The following SHQ1 variants were observed in gnomAD, a reference collection of about 807,000 sequenced individuals.
The protein encoded by SHQ1 is protein SHQ1 homolog.
In SHQ1, 49 loss-of-function variants were observed where a neutral mutation model predicts 53.8. That is an observed-to-expected ratio of 0.91 (90% confidence interval 0.72 to 1.16). The LOEUF (loss-of-function observed/expected upper bound fraction) is 1.16, where lower values mean the gene tolerates loss of function less well. SHQ1 is among the 50% of genes most tolerant of loss of function. The pLI is 0.00. For synonymous variants in SHQ1, 243 were observed against 251.0 expected (o/e 0.97, Z 0.30); for missense variants, 738 against 683.1 (o/e 1.08, Z -0.90).
At chr3:72,745,328 C>T (rs192691048), downstream of SHQ1, among the ~76,000 whole-genome samples, 3 of 152,250 alleles carry the variant, frequency 2.0e-5, no homozygotes, top group East Asian at 5.8e-4. Context: ...ACTCTTGTCT[C>T]ATTTGCAGAT....
chr3:72,784,699 A>G (rs1261121288), intron 10 of SHQ1, among the ~76,000 whole-genome samples: 1 of 152,240 alleles, frequency 6.6e-6, no homozygotes, highest in Non-Finnish European at 1.5e-5. Context: ...TTTAACACTT[A>G]GCATTTCACC....
At chr3:72,832,312 A>G (rs931176150) in intron 5 of SHQ1, 57 bp downstream of exon 5, 152 of 1,348,426 alleles carry the variant, frequency 1.1e-4, no homozygotes, top group Middle Eastern at 1.0e-3. Flanking sequence ...AGACACTCAA[A>G]AATTTTAAAA....
rs141684947 is a variant in SHQ1, at chr3:72,823,720, T to C, written c.727+704A>G. ...TAAAGCGACTGTTTAGATGTGGGAA[T>C]ATATATTTTTAAAATATCCCCAAAA... is the stretch of plus-strand genomic sequence containing the variant. On this transcript the variant is annotated intron_variant, in intron 6 of 10. Coordinates refer to ENST00000325599, the MANE Select transcript of SHQ1 (RefSeq NM_018130.3). Among the ~76,000 whole-genome samples the C allele has an allele frequency of 3.1e-3, 475 of 152,352 alleles. 5 individuals carry two copies. The highest frequency in any genetic ancestry group is 0.011 in the African/African-American group (447 of 41,568).
chr3:72,781,293 T>C (rs1053221615), intron 10 of SHQ1, among the ~76,000 whole-genome samples: 1 of 152,048 alleles, frequency 6.6e-6, no homozygotes, highest in African/African-American at 2.4e-5. Flanking sequence ...CGACCCCAGG[T>C]GATCCGCTCA....
chr3:72,727,638 C>T, the SHQ1 span, among the ~76,000 whole-genome samples: 1 of 152,048 alleles, frequency 6.6e-6, no homozygotes, highest in South Asian at 2.1e-4. Context: ...TGTTTTCAAT[C>T]GCAAGTCAGC....
the SHQ1 span, among the ~76,000 whole-genome samples, chr3:72,732,400 T>G: frequency 2.9e-5 from 4 of 138,458 alleles, no homozygotes; most frequent in African/African-American, 1.1e-4. Flanking sequence ...CTTCCTTCCT[T>G]CCTTCCTTCC....
At chr3:72,805,145 T>G (rs941114077) in intron 9 of SHQ1, among the ~76,000 whole-genome samples, 16 of 152,168 alleles carry the variant, frequency 1.1e-4, no homozygotes. Flanking sequence ...CTTCAGCTCT[T>G]TTCTGATTAA....
chr3:72,794,546 A>G (rs568270444), intron 9 of SHQ1: 2 of 152,296 alleles, frequency 1.3e-5, no homozygotes, highest in Admixed American at 1.3e-4. Flanking sequence ...TGCCCTTTCT[A>G]TGCCATTGCC....
the SHQ1 span, among the ~76,000 whole-genome samples, chr3:72,725,820 T>C: frequency 2.0e-5 from 3 of 152,194 alleles, no homozygotes; most frequent in African/African-American, 7.2e-5. Flanking sequence ...TTACTGCTCT[T>C]TGTCTGTCCT....
chr3:72,843,531 T>A (rs1389580905), intron 2 of SHQ1, among the ~76,000 whole-genome samples: 1 of 152,266 alleles, frequency 6.6e-6, no homozygotes. Context: ...TGTACTGAAC[T>A]GAATTCCAAC....
intron 10 of SHQ1, among the ~76,000 whole-genome samples, chr3:72,772,141 G>A (rs952980333): frequency 1.3e-4 from 20 of 151,842 alleles, no homozygotes; most frequent in African/African-American, 4.8e-4. Context: ...TTACAATGCA[G>A]AGATGATTTA....
rs200831158 is a variant in SHQ1 at position 72,812,760 on chromosome 3, A to G, written c.971T>C (p.Phe324Ser). The G allele has an allele frequency of 1.2e-6, 2 of 1,614,080 alleles. No individual in the cohort carries two copies. The highest frequency in any genetic ancestry group is 4.5e-5 in the East Asian group (2 of 44,844). Residue 324 changes from phenylalanine (F) to serine (S), a missense_variant, in exon 9 of 11, where the codon TTT (phenylalanine) becomes TCT (serine). Coordinates refer to ENST00000325599, the MANE Select transcript of SHQ1 (RefSeq NM_018130.3). ...TGGGTAACACAACACCCTTCTTCCA[A>G]AAGACACCATGATATCATGAACGTT... ...WTNVHDIMVS[F>S]GRRVLCYPLY... is the part of the protein sequence containing the mutation.
intron 9 of SHQ1, chr3:72,794,333 G>C (rs898502301): frequency 6.6e-6 from 1 of 152,104 alleles, no homozygotes; most frequent in Non-Finnish European, 1.5e-5. Flanking sequence ...AAAAGAGCAG[G>C]GGCTTCTGTT....
chr3:72,747,047 A>G (rs1705271357), downstream of SHQ1, among the ~76,000 whole-genome samples: 1 of 152,216 alleles, frequency 6.6e-6, no homozygotes, highest in Non-Finnish European at 1.5e-5. Flanking sequence ...TGTTAATACA[A>G]CCTGGAAAAG....
intron 1 of SHQ1, among the ~76,000 whole-genome samples, chr3:72,846,955 C>T (rs1459810251): frequency 6.6e-6 from 1 of 152,196 alleles, no homozygotes; most frequent in Non-Finnish European, 1.5e-5. Flanking sequence ...TATCGCCTCC[C>T]CAGAAAGGCT....
chr3:72,777,862 A>G (rs1705989054), intron 10 of SHQ1, among the ~76,000 whole-genome samples: 1 of 152,240 alleles, frequency 6.6e-6, no homozygotes, highest in East Asian at 1.9e-4. Flanking sequence ...ATGGGATAGT[A>G]CACTGCAGGA....
chr3:72,754,885 A>C (rs181088572), intron 10 of SHQ1, among the ~76,000 whole-genome samples: 79 of 152,318 alleles, frequency 5.2e-4, no homozygotes, highest in African/African-American at 1.9e-3. Flanking sequence ...GTAAAATTTG[A>C]ATCATTTTTG....
At chr3:72,822,354 TG>T (rs1484026802) in intron 6 of SHQ1, among the ~76,000 whole-genome samples, 1 of 152,152 alleles carries the variant, frequency 6.6e-6, no homozygotes, top group Admixed American at 6.5e-5. Flanking sequence ...CTATCAGTCA[TG>T]GGTCAGATGA....
At position 72,839,313 on chromosome 3, in the gene SHQ1, CTAAT is replaced by C. The variant is rs1708090529; in HGVS notation, c.486+1728_486+1731del. On this transcript the variant is annotated intron_variant, in intron 4 of 10. Coordinates refer to ENST00000325599, the MANE Select transcript of SHQ1 (RefSeq NM_018130.3). ...TGCTACAGACAAAACTGACTCTACT[CTAAT>C]TACCTCTGAGATCACCAGCGATTGT... Among the ~76,000 whole-genome samples, 5 of 152,278 alleles carry C rather than the reference CTAAT, an allele frequency of 3.3e-5. 1 individual carries two copies. The highest frequency in any genetic ancestry group is 1.2e-4 in the African/African-American group (5 of 41,566).
Sources: gnomAD v4.1 joint callset for allele counts (sites outside exome capture counted in the v4.1 genomes callset) on GRCh38, gnomAD v4.1.1 for gene constraint, MANE v1.5 for transcripts, NCBI Gene and HGNC (gene_info 2026-07-23, HGNC 2026-07-21) for gene names.